Variants in ETV7 observed in about 807,000 individuals in gnomAD.
ETV7 encodes the protein ETS variant transcription factor 7, also known as transcription factor ETV7.
ETV7 carries 43 observed loss-of-function variants against 39.1 expected under a neutral mutation model. That is an observed-to-expected ratio of 1.10 (90% CI 0.86 to 1.42). ETV7 has a LOEUF of 1.42. Ranked by LOEUF, ETV7 falls within the 40% of genes most tolerant of loss-of-function variation. The pLI, the probability that ETV7 is intolerant of heterozygous loss-of-function variation, is 0.00. For missense variants in ETV7, 432 were observed against 442.3 expected, an observed-to-expected ratio of 0.98 and a Z score of 0.21; for synonymous variants, 196 against 176.6, an observed-to-expected ratio of 1.11 and a Z score of -0.87.
In ETV7 at chr6:36,366,939, C is replaced by A. The variant is rs1266712650; in HGVS notation, c.844G>T (p.Ala282Ser). The A allele has an allele frequency of 4.3e-6, 7 of 1,613,924 alleles. No homozygotes were observed. The highest frequency in any genetic ancestry group is 1.3e-5 in the African/African-American group (1 of 74,854). Residue 282 changes from alanine (A) to serine (S), a missense_variant, in exon 7 of 8, where the codon GCC becomes TCC. Ala to Ser is a moderately conservative substitution (Grantham distance 99). Coordinates refer to ENST00000340181, the MANE Select transcript of ETV7 (RefSeq NM_016135.4). ...VNMTYEKMSR[A>S]LRHYYKLNII... ...TTAAGCTTATAATAGTGGCGCAGGG[C>A]ACGAGACATCTTCTCGTAGGTCATG...
intron 2 of ETV7, among the ~76,000 whole-genome samples, chr6:36,378,834 G>A (rs932848401): frequency 8.5e-5 from 13 of 152,214 alleles, no homozygotes; most frequent in African/African-American, 3.1e-4. Context: ...TCCCCGGGGG[G>A]AAAGGAGCAG....
intron 7 of ETV7, 21 bp from the exon 8 acceptor site, chr6:36,366,783 G>A: frequency 6.2e-7 from 1 of 1,613,808 alleles, no homozygotes; most frequent in South Asian, 1.1e-5. Context: ...GGCCCCAACT[G>A]CAAATCAGCT....
chr6:36,359,362 G>C (rs1772417114), intron 7 of ETV7, among the ~76,000 whole-genome samples: 1 of 151,716 alleles, frequency 6.6e-6, no homozygotes, highest in Non-Finnish European at 1.5e-5. Context: ...GAGGCAGGAG[G>C]ACCACTTGAA....
intron 2 of ETV7, among the ~76,000 whole-genome samples, chr6:36,382,864 T>C (rs1235234417): frequency 6.6e-6 from 1 of 152,218 alleles, no homozygotes; most frequent in Non-Finnish European, 1.5e-5. Flanking sequence ...ACCTTTTCTC[T>C]GGGGAATAAG....
At chr6:36,387,432 TA>T in intron 1 of ETV7, 103 bp downstream of exon 1, 1 of 1,478,554 alleles carries the variant, frequency 6.8e-7, no homozygotes, top group Non-Finnish European at 9.4e-7. Flanking sequence ...TCCCGCCAGG[TA>T]AAAGGTCTGA....
intron 6 of ETV7, among the ~76,000 whole-genome samples, chr6:36,367,469 GAAGGCGA>G (rs1264479042): frequency 2.0e-5 from 3 of 151,364 alleles, no homozygotes; most frequent in Non-Finnish European, 4.4e-5. Context: ...AGGAAGGAAG[GAAGGCGA>G]AAGGAAGGAA....
At position 36,376,778 on chromosome 6, in the gene ETV7, G is replaced by GAA. The variant is rs60435053; in HGVS notation, c.143-745_143-744dup. The stretch of plus-strand genomic sequence containing the variant: ...GCGACAGAGCGAGACTCCCTCTAAA[G>GAA]AAAAAAAAAAAAAAAAAAGGAAGGG... On this transcript the variant is annotated intron_variant, in intron 2 of 7. Transcript: ENST00000340181. Among the ~76,000 whole-genome samples the GAA allele has an allele frequency of 3.3e-3, 302 of 91,958 alleles. 1 individual carries two copies. Among genetic ancestry groups the GAA allele is most frequent in the African/African-American group, 0.011 (279 of 25,286 alleles). 60.3% of individuals were successfully genotyped at this position (91,958 alleles called of 152,430 possible).
At chr6:36,365,741 C>A (rs1313469358), downstream of ETV7, among the ~76,000 whole-genome samples, 7 of 152,158 alleles carry the variant, frequency 4.6e-5, no homozygotes, top group Non-Finnish European at 1.0e-4. Context: ...GGTCGAAGCC[C>A]TGGGTTGTGG....
chr6:36,383,657 T>C (rs1173679900), intron 2 of ETV7, among the ~76,000 whole-genome samples: 1 of 152,200 alleles, frequency 6.6e-6, no homozygotes, highest in Non-Finnish European at 1.5e-5. Flanking sequence ...CCAACAGGGC[T>C]GAAAAGTCGA....
chr6:36,356,655 C>T (rs1043394443), intron 7 of ETV7, among the ~76,000 whole-genome samples: 7 of 152,194 alleles, frequency 4.6e-5, no homozygotes, highest in South Asian at 2.1e-4. Flanking sequence ...GCTGTGGCCA[C>T]GGAAATGGGC....
At chr6:36,376,931 C>A (rs771566671) in intron 2 of ETV7, among the ~76,000 whole-genome samples, 1 of 152,206 alleles carries the variant, frequency 6.6e-6, no homozygotes, top group Non-Finnish European at 1.5e-5. Context: ...ATTGTGCCAA[C>A]TTGGAATCAG....
chr6:36,385,790 A>G (rs1490374945), intron 1 of ETV7, 121 bp from the exon 2 acceptor site: 2 of 1,061,032 alleles, frequency 1.9e-6, no homozygotes, highest in Non-Finnish European at 2.7e-6. Context: ...AGAAGACTGC[A>G]TCAACCTTAA....
chr6:36,366,106 G>C (rs185490823), downstream of ETV7: 1 of 809,286 alleles, frequency 1.2e-6, no homozygotes, highest in African/African-American at 1.9e-5. Context: ...CCCAGGAGGC[G>C]GAAGTTGCAG....
intron 2 of ETV7, among the ~76,000 whole-genome samples, chr6:36,381,534 G>T (rs1387910029): frequency 6.6e-6 from 1 of 152,192 alleles, no homozygotes; most frequent in African/African-American, 2.4e-5. Flanking sequence ...ACCCCAGCCT[G>T]AAAACAGAGA....
Position 36,387,615 on chromosome 6 carries a change from G to C in ETV7, c.-74C>G. 1 of 1,570,256 alleles carries C rather than the reference G, an allele frequency of 6.4e-7. No individual in the cohort carries two copies. Among genetic ancestry groups the C allele is most frequent in the Non-Finnish European group, 8.7e-7 (1 of 1,146,330 alleles). ...CTGGCTGTGGCTGCTGGGGCCCTAG[G>C]CCCGCGCCCCGCAGTCCTCCTCCGC... is the stretch of plus-strand genomic sequence containing the variant. On this transcript the variant is annotated 5_prime_UTR_variant, in exon 1 of 8. Transcript: ENST00000340181.
intron 2 of ETV7, among the ~76,000 whole-genome samples, chr6:36,378,351 G>A (rs897628690): frequency 5.3e-5 from 8 of 151,156 alleles, no homozygotes; most frequent in African/African-American, 1.9e-4. Context: ...AAGGCATAAA[G>A]AATAGAAAAA....
chr6:36,384,562 C>T (rs992059122), intron 2 of ETV7, among the ~76,000 whole-genome samples: 6 of 152,166 alleles, frequency 3.9e-5, no homozygotes, highest in South Asian at 2.1e-4. Context: ...TTGAACCTCA[C>T]TATTAGAAAG....
At chr6:36,362,904 G>A (rs369613210), downstream of ETV7, among the ~76,000 whole-genome samples, 2 of 152,222 alleles carry the variant, frequency 1.3e-5, no homozygotes, top group South Asian at 2.1e-4. Context: ...ATAACTGGAA[G>A]AAGTGATCTA....
At chr6:36,360,101 C>G (rs1237993379) in intron 7 of ETV7, among the ~76,000 whole-genome samples, 2 of 152,138 alleles carry the variant, frequency 1.3e-5, no homozygotes, top group Non-Finnish European at 2.9e-5. Context: ...CCATGTTGGC[C>G]AGGATGGTCT....
Sources: allele counts gnomAD v4.1 joint callset (sites outside exome capture counted in the v4.1 genomes callset), GRCh38; gene constraint gnomAD v4.1.1; transcripts MANE v1.5; gene names NCBI Gene and HGNC (gene_info 2026-07-23, HGNC 2026-07-21).